Variants in MTF1 observed in about 807,000 individuals in gnomAD.
MTF1 encodes the protein MRE-binding transcription factor.
In MTF1, 22 loss-of-function variants were observed where a neutral mutation model predicts 70.4. The ratio of observed to expected loss-of-function variants is 0.31; its 90% confidence interval spans 0.22 to 0.45. The LOEUF (loss-of-function observed/expected upper bound fraction) is 0.45, where lower values mean the gene tolerates loss of function less well. Among genes scored for constraint, MTF1 ranks in the 20% least tolerant of loss-of-function variants. The probability of loss-of-function intolerance (pLI) is 1.00; values close to 1 mark genes in which losing one functional copy is unlikely to be tolerated. For synonymous variants in MTF1, 333 were observed against 352.8 expected (o/e 0.94, Z 0.63); for missense variants, 649 against 922.0 (o/e 0.70, Z 3.83).
chr1:37,824,261 T>C (rs1640967290), intron 7 of MTF1, among the ~76,000 whole-genome samples: 1 of 152,222 alleles, frequency 6.6e-6, no homozygotes, highest in Admixed American at 6.5e-5. Context: ...ATATTATCTG[T>C]GCTACTTTTG....
chr1:37,854,126 GTC>G (rs1169501594), intron 2 of MTF1, among the ~76,000 whole-genome samples: 1 of 152,174 alleles, frequency 6.6e-6, no homozygotes, highest in Non-Finnish European at 1.5e-5. Flanking sequence ...CCCTGCCTCA[GTC>G]TCCAGAGTAG....
intron 3 of MTF1, 37 bp from the exon 4 acceptor site, chr1:37,838,793 A>AT: frequency 3.6e-6 from 2 of 556,436 alleles, no homozygotes; most frequent in Admixed American, 4.4e-5. Flanking sequence ...TTTGTCATAA[A>AT]ATTCTTTTTT....
chr1:37,840,204 A>G lies in MTF1; in HGVS notation c.409-46T>C. 1.3e-6 allele frequency: 2 copies of G among 1,558,554 alleles called. No homozygotes were observed. Among genetic ancestry groups the G allele is most frequent in the Admixed American group, 1.7e-5 (1 of 59,748 alleles). On this transcript the variant is annotated intron_variant, in intron 2 of 10. Coordinates refer to ENST00000373036, the MANE Select transcript of MTF1 (RefSeq NM_005955.3). The surrounding 1 kb of genome is among the most constrained non-coding windows in gnomAD (Gnocchi z 4.5). ...CATCAACAGGACAAAAATGCTGCCC[A>G]GGGCTTAACTCCCCCACCCAGAGCT...
intron 6 of MTF1, among the ~76,000 whole-genome samples, chr1:37,833,855 G>C (rs1641124284): frequency 2.0e-5 from 3 of 151,980 alleles, no homozygotes; most frequent in South Asian, 4.1e-4. Flanking sequence ...GGTACAGCAA[G>C]TATAAAGGCC....
chr1:37,812,775 T>C lies in MTF1; in HGVS notation c.*2361A>G, dbSNP rs1640756666. The C allele has an allele frequency of 6.6e-6, 1 of 152,152 alleles. No homozygotes were observed. Among genetic ancestry groups the C allele is most frequent in the South Asian group, 2.1e-4 (1 of 4,828 alleles). The allele number at this position is 152,152 out of a possible 1,614,324, so 9.4% of individuals were successfully genotyped here. A position where few individuals can be genotyped will look rare whatever the true frequency, so the allele number is the denominator to read the frequency against. On this transcript the variant is annotated 3_prime_UTR_variant, in exon 11 of 11. Coordinates refer to ENST00000373036, the MANE Select transcript of MTF1 (RefSeq NM_005955.3). Reference sequence around the variant, plus strand: ...GATACAAGCTTACTTTGGGGTCCCATCACTACTCTCTCAGAAGTTGTAAAC... The same window carrying C: ...GATACAAGCTTACTTTGGGGTCCCACCACTACTCTCTCAGAAGTTGTAAAC...
In MTF1 at chr1:37,822,423, G is replaced by C; in HGVS notation, c.1465C>G (p.Pro489Ala). ...GGTACAATGGGCTGCGGTGCCTGGG[G>C]GTGCGGAAGAAACTCTTGATGATTA... The part of the protein sequence containing the change: ...AANHQEFLPH[P>A]QAPQPIVPGL... The change falls in exon 9 of 11, where the codon CCC becomes GCC. Residue 489 changes from proline to alanine, a missense_variant. Pro to Ala is a conservative substitution (Grantham distance 27, BLOSUM62 -1). Coordinates refer to ENST00000373036, the MANE Select transcript of MTF1 (RefSeq NM_005955.3). 1 of 1,614,150 alleles carries C rather than the reference G, an allele frequency of 6.2e-7. No individual in the cohort carries two copies. Among genetic ancestry groups the C allele is most frequent in the Non-Finnish European group, 8.5e-7 (1 of 1,180,020 alleles).
In MTF1 at chr1:37,857,458, G is replaced by A. The variant is rs986446777; in HGVS notation, c.201C>T (p.Cys67=). Residue 67 remains cysteine (C), a synonymous_variant, in exon 2 of 11, where the codon TGC becomes TGT. Transcript: ENST00000373036. ...TLEDEDDDGQ[C]GEHLPFLVGG... Reference sequence around the variant, plus strand: ...CTACTAGAAAAGGCAAGTGTTCTCCGCACTGTCCGTCGTCATCTTCATCCT... The same window carrying A: ...CTACTAGAAAAGGCAAGTGTTCTCCACACTGTCCGTCGTCATCTTCATCCT... 8.1e-6 allele frequency: 13 copies of A among 1,614,016 alleles called. No homozygotes were observed. The highest frequency in any genetic ancestry group is 2.2e-5 in the East Asian group (1 of 44,900).
rs1260874522 is a variant in MTF1, at chr1:37,846,288, C to G, written c.409-6130G>C. Among the ~76,000 whole-genome samples the G allele has an allele frequency of 6.6e-5, 10 of 150,748 alleles. No homozygotes were observed. The Admixed American group carries it at 6.6e-4, about 10-fold the overall frequency. On this transcript the variant is annotated intron_variant, in intron 2 of 10. Transcript: ENST00000373036. ...ATACTATGGGAATATACCAAAGAAA[C>G]ATGTAACAGACTTCAGTGACCTTAG...
At chr1:37,848,179 C>T (rs1183741100) in intron 2 of MTF1, among the ~76,000 whole-genome samples, 1 of 152,158 alleles carries the variant, frequency 6.6e-6, no homozygotes, top group Non-Finnish European at 1.5e-5. Flanking sequence ...TGGACATTAC[C>T]TCTTTACCTC....
At position 37,835,680 on chromosome 1, in the gene MTF1, T is replaced by C. The variant is rs755045244; in HGVS notation, c.844A>G (p.Thr282Ala). 3 of 1,614,120 alleles carry C rather than the reference T, an allele frequency of 1.9e-6. No homozygotes were observed. Among genetic ancestry groups the C allele is most frequent in the Non-Finnish European group, 1.7e-6 (2 of 1,179,938 alleles). Residue 282 changes from threonine (T) to alanine (A), a missense_variant, in exon 5 of 11, where the codon ACA (threonine) becomes GCA (alanine). By Grantham distance (58) the Thr-to-Ala change is moderately conservative. Transcript: ENST00000373036. The stretch of plus-strand genomic sequence containing the variant: ...ATTGGCCTAAACTCACCAGTATGTG[T>C]ACGAACGTGAGTTTTAAGGTGGTGG... ...ASHHLKTHVR[T>A]HTGERPFFCP...
rs56962456 is a variant in MTF1, at chr1:37,813,277, CA to C, written c.*1858del. On this transcript the variant is annotated 3_prime_UTR_variant, in exon 11 of 11. Transcript: ENST00000373036. ...GGGCAACAAAAGCAAAACTCTGTCT[CA>C]AAAAAAAAAAGAAGTCAATTATTCT... 7,161 of 143,676 alleles carry C rather than the reference CA, an allele frequency of 0.05. 406 individuals are homozygous for C. Among genetic ancestry groups the C allele is most frequent in the East Asian group, 0.23 (1,173 of 5,030 alleles). The allele number at this position is 143,676 out of a possible 1,614,324, so 8.9% of individuals were successfully genotyped here. A position where few individuals can be genotyped will look rare whatever the true frequency, so the allele number is the denominator to read the frequency against.
intron 2 of MTF1, among the ~76,000 whole-genome samples, chr1:37,850,137 C>A (rs892174048): frequency 6.9e-6 from 1 of 144,924 alleles, no homozygotes; most frequent in Non-Finnish European, 1.5e-5. Context: ...ACTGTGGAGG[C>A]TGAGGTGGCA....
chr1:37,830,068 G>A (rs1396547926), intron 7 of MTF1, among the ~76,000 whole-genome samples: 1 of 152,046 alleles, frequency 6.6e-6, no homozygotes, highest in East Asian at 1.9e-4. Flanking sequence ...TCATAGTCTT[G>A]GCCAGAGAAT....
chr1:37,847,039 T>C (rs1310341081), intron 2 of MTF1, among the ~76,000 whole-genome samples: 1 of 152,204 alleles, frequency 6.6e-6, no homozygotes, highest in Non-Finnish European at 1.5e-5. Context: ...GTATCATTTC[T>C]TCTCCATAAT....
At chr1:37,838,585 G>A (rs767675416) in intron 4 of MTF1, 40 bp downstream of exon 4, 1 of 1,573,432 alleles carries the variant, frequency 6.4e-7, no homozygotes, top group South Asian at 1.1e-5. Flanking sequence ...ACCCCCAGCT[G>A]AAACCTGGTC....
At position 37,857,460 on chromosome 1, in the gene MTF1, A is replaced by G; in HGVS notation, c.199T>C (p.Cys67Arg). The G allele has an allele frequency of 6.2e-7, 1 of 1,614,198 alleles. No homozygotes were observed. Among genetic ancestry groups the G allele is most frequent in the Non-Finnish European group, 8.5e-7 (1 of 1,180,042 alleles). The change falls in exon 2 of 11, where the codon TGC (cysteine) becomes CGC (arginine). Residue 67 changes from cysteine to arginine, a missense_variant. This residue lies in a region of MTF1 where 44 missense variants were observed against 38.1 expected (regional missense o/e 1.15). Coordinates refer to ENST00000373036, the MANE Select transcript of MTF1 (RefSeq NM_005955.3). ...TLEDEDDDGQ[C>R]GEHLPFLVGG... ...ACTAGAAAAGGCAAGTGTTCTCCGC[A>G]CTGTCCGTCGTCATCTTCATCCTCC...
intron 7 of MTF1, among the ~76,000 whole-genome samples, chr1:37,832,012 T>C (rs1177199909): frequency 2.0e-5 from 3 of 152,094 alleles, no homozygotes; most frequent in Non-Finnish European, 2.9e-5. Flanking sequence ...AAAAAGAAAT[T>C]TTCTGGGGCC....
At chr1:37,839,312 G>A (rs1255635102) in intron 3 of MTF1, among the ~76,000 whole-genome samples, 1 of 152,148 alleles carries the variant, frequency 6.6e-6, no homozygotes, top group African/African-American at 2.4e-5. Context: ...TGCTTGGATG[G>A]GGAAACTTAA....
chr1:37,822,544 G>A lies in MTF1; in HGVS notation c.1344C>T (p.Ser448=). 1 of 1,614,144 alleles carries A rather than the reference G, an allele frequency of 6.2e-7. No individual in the cohort carries two copies. Among genetic ancestry groups the A allele is most frequent in the African/African-American group, 1.3e-5 (1 of 75,034 alleles). ...SAPSAPPPAP[S]LGPGSQQAAF... Reference sequence around the variant, plus strand: ...CAGCTTGCTGGGAGCCAGGTCCTAGGGAGGGAGCAGGCGGAGGAGCAGACG... The same window carrying A: ...CAGCTTGCTGGGAGCCAGGTCCTAGAGAGGGAGCAGGCGGAGGAGCAGACG... Residue 448 remains serine, a synonymous_variant, in exon 9 of 11, where the codon TCC becomes TCT. Transcript: ENST00000373036.
Sources: allele counts gnomAD v4.1 joint callset (sites outside exome capture counted in the v4.1 genomes callset), GRCh38; gene constraint gnomAD v4.1.1; regional missense constraint gnomAD v4.1.1; non-coding constraint Gnocchi (gnomAD v3.1); transcripts MANE v1.5; gene names NCBI Gene and HGNC (gene_info 2026-07-23, HGNC 2026-07-21).